Variants in RGS9 observed in about 807,000 individuals in gnomAD.
RGS9 encodes the protein regulator of G protein signaling 9, also known as regulator of G-protein signalling 9.
A neutral mutation model predicts 102.0 loss-of-function variants in RGS9; 78 were observed. That is an observed-to-expected ratio of 0.76 (90% CI 0.64 to 0.92). The LOEUF (loss-of-function observed/expected upper bound fraction) is 0.92. Among genes scored for constraint, RGS9 ranks in the 40% least tolerant of loss-of-function variants. The probability of loss-of-function intolerance (pLI) is 0.00; values close to 1 mark genes in which losing one functional copy is unlikely to be tolerated. For synonymous variants in RGS9, 353 were observed against 318.6 expected (o/e 1.11, Z -1.15); for missense variants, 833 against 866.1 (o/e 0.96, Z 0.48).
chr17:65,140,158 G>A (rs531532123), intron 1 of RGS9, among the ~76,000 whole-genome samples: 1 of 152,316 alleles, frequency 6.6e-6, no homozygotes, highest in South Asian at 2.1e-4. Flanking sequence ...GCAGCACTAG[G>A]TGGTGAAACC....
chr17:65,142,243 C>CA (rs918540897), intron 1 of RGS9, among the ~76,000 whole-genome samples: 26 of 151,466 alleles, frequency 1.7e-4, no homozygotes, highest in African/African-American at 5.3e-4. Context: ...GACTCAGTCT[C>CA]AAAAAAAACC....
At chr17:65,145,560 T>A (rs763822891) in intron 1 of RGS9, among the ~76,000 whole-genome samples, 2,324 of 126,746 alleles carry the variant, frequency 0.018, 33 homozygotes, top group Admixed American at 0.04. Context: ...ATTTTTTTTT[T>A]TTTTAATATA....
intron 16 of RGS9, 115 bp downstream of exon 16, chr17:65,208,122 G>A (rs964830795): frequency 6.8e-6 from 5 of 740,674 alleles, no homozygotes; most frequent in Non-Finnish European, 9.6e-6. Context: ...AAATATTGGG[G>A]ACTGGGAAGT....
At chr17:65,212,703 G>A (rs1161553383) in intron 17 of RGS9, among the ~76,000 whole-genome samples, 1 of 152,220 alleles carries the variant, frequency 6.6e-6, no homozygotes, top group Non-Finnish European at 1.5e-5. Flanking sequence ...TAGCCCAGAA[G>A]AGGGACACTT....
chr17:65,186,864 T>TGATA (rs1355657143), intron 9 of RGS9, among the ~76,000 whole-genome samples: 1 of 152,224 alleles, frequency 6.6e-6, no homozygotes, highest in African/African-American at 2.4e-5. Flanking sequence ...TATGTAAAAG[T>TGATA]ACAGCTCCCC....
intron 1 of RGS9, among the ~76,000 whole-genome samples, chr17:65,143,060 C>A (rs902356670): frequency 6.6e-6 from 1 of 152,084 alleles, no homozygotes; most frequent in Non-Finnish European, 1.5e-5. Context: ...CCAGGCTTAA[C>A]CATTGCTCTT....
At chr17:65,150,728 T>C (rs770080867) in intron 1 of RGS9, among the ~76,000 whole-genome samples, 1 of 152,234 alleles carries the variant, frequency 6.6e-6, no homozygotes, top group Non-Finnish European at 1.5e-5. Context: ...TCATTGCATG[T>C]TCTGCATTGT....
At chr17:65,220,765 G>T (rs17689500) in intron 17 of RGS9, among the ~76,000 whole-genome samples, 4,562 of 152,238 alleles carry the variant, frequency 0.03, 103 homozygotes, top group Non-Finnish European at 0.045. Context: ...TGCACTACCT[G>T]CTTTGCCATT....
intron 2 of RGS9, among the ~76,000 whole-genome samples, chr17:65,155,149 A>T (rs570825037): frequency 6.6e-6 from 1 of 152,362 alleles, no homozygotes; most frequent in South Asian, 2.1e-4. Context: ...GAACCAGCGT[A>T]GCTCTGGGCA....
chr17:65,201,844 G>A, intron 13 of RGS9, 149 bp from the exon 14 acceptor site: 2 of 657,584 alleles, frequency 3.0e-6, no homozygotes, highest in South Asian at 1.5e-5. Context: ...GCATCACAAT[G>A]TGCAATAGCT....
At chr17:65,192,116 T>C (rs1912392268) in intron 11 of RGS9, among the ~76,000 whole-genome samples, 1 of 152,218 alleles carries the variant, frequency 6.6e-6, no homozygotes, top group Non-Finnish European at 1.5e-5. Context: ...AGGGGGTACA[T>C]AGTGATGTTT....
At chr17:65,156,652 C>T (rs1834556151) in intron 2 of RGS9, among the ~76,000 whole-genome samples, 1 of 152,194 alleles carries the variant, frequency 6.6e-6, no homozygotes, top group South Asian at 2.1e-4. Flanking sequence ...CTGGTGGCAC[C>T]ATAATCTCAT....
rs1378041894 is a variant in RGS9, at chr17:65,207,956, A to G, written c.1238A>G (p.Tyr413Cys). 6 of 1,613,374 alleles carry G rather than the reference A, an allele frequency of 3.7e-6. No individual in the cohort carries two copies. The highest frequency in any genetic ancestry group is 1.3e-5 in the African/African-American group (1 of 74,892). Residue 413 changes from tyrosine to cysteine, a missense_variant, in exon 16 of 19, where the codon TAT becomes TGT. By Grantham distance (194) the Tyr-to-Cys change is radical. Transcript: ENST00000262406. ...SYARYLKSPI[Y>C]KDMLAKAIEP... Reference sequence around the variant, plus strand: ...GCTCGCTATTTAAAATCTCCGATCTATAAGGACATGCTGGCCAAAGCTATT... The same window carrying G: ...GCTCGCTATTTAAAATCTCCGATCTGTAAGGACATGCTGGCCAAAGCTATT...
intron 9 of RGS9, among the ~76,000 whole-genome samples, chr17:65,181,156 A>G (rs1911870461): frequency 6.6e-6 from 1 of 152,222 alleles, no homozygotes; most frequent in African/African-American, 2.4e-5. Flanking sequence ...CCCTTTGGGT[A>G]TATACCTAGT....
chr17:65,139,211 C>T (rs1910055646), intron 1 of RGS9, among the ~76,000 whole-genome samples: 1 of 141,126 alleles, frequency 7.1e-6, no homozygotes, highest in Admixed American at 7.1e-5. Flanking sequence ...TCTCCTCCTC[C>T]ATCCTAACTT....
intron 1 of RGS9, among the ~76,000 whole-genome samples, chr17:65,151,598 A>G (rs975118888): frequency 6.6e-6 from 1 of 152,056 alleles, no homozygotes; most frequent in African/African-American, 2.4e-5. Context: ...GTCATTTCCA[A>G]TCACCTCCCA....
intron 9 of RGS9, among the ~76,000 whole-genome samples, chr17:65,185,125 C>G (rs947775209): frequency 2.0e-5 from 3 of 152,184 alleles, no homozygotes; most frequent in Non-Finnish European, 4.4e-5. Flanking sequence ...TCACTGTCCC[C>G]TCCCTGTACA....
At chr17:65,226,850 G>A (rs1417225171) in intron 18 of RGS9, among the ~76,000 whole-genome samples, 1 of 151,966 alleles carries the variant, frequency 6.6e-6, no homozygotes, top group African/African-American at 2.4e-5. Context: ...CCTGACCTCA[G>A]GCGATCCGCC....
chr17:65,161,486 A>G (rs1318540051), intron 6 of RGS9, among the ~76,000 whole-genome samples: 1 of 152,090 alleles, frequency 6.6e-6, no homozygotes, highest in Non-Finnish European at 1.5e-5. Context: ...TTCTGACCTC[A>G]AGTGATCTGC....
Sources: gnomAD v4.1 joint callset for allele counts (sites outside exome capture counted in the v4.1 genomes callset) on GRCh38, gnomAD v4.1.1 for gene constraint, MANE v1.5 for transcripts, NCBI Gene and HGNC (gene_info 2026-07-23, HGNC 2026-07-21) for gene names.